QKI: variants seen among roughly 807,000 people sequenced by gnomAD.
QKI encodes KH domain-containing RNA-binding protein QKI.
A neutral mutation model predicts 39.0 loss-of-function variants in QKI; 10 were observed. The ratio of observed to expected loss-of-function variants is 0.26; its 90% confidence interval spans 0.16 to 0.43. The LOEUF (loss-of-function observed/expected upper bound fraction) is 0.43. Among genes scored for constraint, QKI ranks in the 20% least tolerant of loss-of-function variants. The pLI is 1.00. For synonymous variants in QKI, 204 were observed against 155.4 expected, an observed-to-expected ratio of 1.31 and a Z score of -2.33; for missense variants, 218 against 428.0, an observed-to-expected ratio of 0.51 and a Z score of 4.33.
In QKI at chr6:163,535,192, C is replaced by T. The variant is rs534034431; in HGVS notation, c.546+67C>T. ...TTTTTGTCAGTTTATTTTAAATTAT[C>T]GTAATGTTTATAAGGAATAGGTTAT... On this transcript the variant is annotated intron_variant, in intron 4 of 7. Transcript: ENST00000361752. The T allele has an allele frequency of 7.0e-6, 10 of 1,437,116 alleles. No homozygotes were observed. In the Admixed American group the frequency reaches 7.1e-5, roughly 10 times the overall value. The allele number at this position is 1,437,116 out of a possible 1,614,324, so 89.0% of individuals were successfully genotyped here.
At chr6:163,425,863 C>T (rs911642963) in intron 1 of QKI, among the ~76,000 whole-genome samples, 6 of 152,116 alleles carry the variant, frequency 3.9e-5, no homozygotes, top group Non-Finnish European at 8.8e-5. Flanking sequence ...CTTAGGAATT[C>T]TTGAATTAAT....
chr6:163,538,741 T>G (rs1781345184), intron 4 of QKI, among the ~76,000 whole-genome samples: 1 of 152,156 alleles, frequency 6.6e-6, no homozygotes, highest in Admixed American at 6.5e-5. Context: ...AAGTTAGAGA[T>G]TAAAGTGATT....
intron 2 of QKI, among the ~76,000 whole-genome samples, chr6:163,466,147 A>G (rs1051391603): frequency 2.0e-5 from 3 of 151,782 alleles, no homozygotes; most frequent in African/African-American, 7.3e-5. Flanking sequence ...AAAAAGGGCT[A>G]TCTCATTTAC....
At chr6:163,568,114 G>C in intron 7 of QKI, 4 of 985,344 alleles carry the variant, frequency 4.1e-6, no homozygotes, top group Non-Finnish European at 4.8e-6. Flanking sequence ...GTATGAGCAC[G>C]TCTCATAGGG....
chr6:163,415,289 C>G lies in QKI; in HGVS notation c.96C>G (p.Pro32=). The G allele has an allele frequency of 6.3e-7, 1 of 1,595,570 alleles. No individual in the cohort carries two copies. The highest frequency in any genetic ancestry group is 8.6e-7 in the Non-Finnish European group (1 of 1,168,310). ...ACAAGAAGCTCATGAGCAGCCTGCC[C>G]AACTTCTGCGGGATCTTCAACCACC... ...MNDKKLMSSL[P]NFCGIFNHLE... Residue 32 remains proline (P), a synonymous_variant, in exon 1 of 8, where the codon CCC becomes CCG. Transcript: ENST00000361752.
intron 3 of QKI, among the ~76,000 whole-genome samples, chr6:163,498,945 CCGAATACTAAACA>C (rs1778576711): frequency 6.6e-6 from 1 of 151,908 alleles, no homozygotes. Context: ...GGGGATGAGA[CCGAATACTAAACA>C]CGAAATTGAT....
chr6:163,419,483 A>C (rs540612388), intron 1 of QKI, among the ~76,000 whole-genome samples: 1 of 152,170 alleles, frequency 6.6e-6, no homozygotes, highest in Non-Finnish European at 1.5e-5. Context: ...AAGGTGAAAT[A>C]ATCTGTTCTT....
chr6:163,454,688 C>G (rs6906725), intron 1 of QKI, among the ~76,000 whole-genome samples: 1 of 152,060 alleles, frequency 6.6e-6, no homozygotes, highest in African/African-American at 2.4e-5. Flanking sequence ...TTCCGTCCTT[C>G]TTTCTCCCAT....
intron 2 of QKI, among the ~76,000 whole-genome samples, chr6:163,478,158 T>A (rs12197183): frequency 2.6e-5 from 4 of 152,284 alleles, no homozygotes; most frequent in African/African-American, 7.2e-5. Context: ...GTACAGTTTT[T>A]AATTTATACA....
intron 1 of QKI, among the ~76,000 whole-genome samples, chr6:163,446,215 G>A (rs1343282737): frequency 6.6e-6 from 1 of 151,700 alleles, no homozygotes; most frequent in African/African-American, 2.4e-5. Context: ...TTTCTTATGG[G>A]TTGTAATTCA....
chr6:163,498,605 T>C (rs964482104), intron 3 of QKI, among the ~76,000 whole-genome samples: 1 of 152,096 alleles, frequency 6.6e-6, no homozygotes, highest in Non-Finnish European at 1.5e-5. Flanking sequence ...TCTCCCTCTT[T>C]CCCTCCTCTC....
Position 163,428,503 on chromosome 6 carries a change from A to G in QKI, c.142+13168A>G, listed in dbSNP as rs1296999038. Among the ~76,000 whole-genome samples the G allele has an allele frequency of 3.3e-5, 5 of 152,338 alleles. No individual in the cohort carries two copies. In the East Asian group the frequency reaches 9.6e-4, roughly 29 times the overall value. ...TGAAGAGAAAGTTCTTTTGGGGATCATAGTTTTATCATAGTAATAAAAAAT... is the reference window on the plus strand; with the variant it reads ...TGAAGAGAAAGTTCTTTTGGGGATCGTAGTTTTATCATAGTAATAAAAAAT... On this transcript the variant is annotated intron_variant, in intron 1 of 7. Coordinates refer to ENST00000361752, the MANE Select transcript of QKI (RefSeq NM_006775.3).
At position 163,490,255 on chromosome 6, in the gene QKI, A is replaced by G. The variant is rs146374551; in HGVS notation, c.402+11359A>G. 2.0e-4 allele frequency among the ~76,000 whole-genome samples: 30 copies of G among 152,324 alleles called. No individual in the cohort carries two copies. In the East Asian group the frequency reaches 5.4e-3, roughly 27 times the overall value. ...GATATTTCAGTAAGTAGTACTATAA[A>G]TGACTGTTAGTCAGTTTTCATTACC... On this transcript the variant is annotated intron_variant, in intron 3 of 7. Transcript: ENST00000361752.
intron 1 of QKI, among the ~76,000 whole-genome samples, chr6:163,430,216 T>C (rs1463344341): frequency 6.6e-6 from 1 of 152,156 alleles, no homozygotes; most frequent in Non-Finnish European, 1.5e-5. Flanking sequence ...TATTTCTGTT[T>C]TTAGTCCAGA....
chr6:163,448,764 C>T (rs765399714), intron 1 of QKI, among the ~76,000 whole-genome samples: 13 of 151,736 alleles, frequency 8.6e-5, no homozygotes, highest in Non-Finnish European at 1.5e-4. Flanking sequence ...ATAAATAATA[C>T]TCTAGTAACT....
intron 1 of QKI, among the ~76,000 whole-genome samples, chr6:163,439,657 T>A (rs1165951948): frequency 2.7e-5 from 2 of 74,280 alleles, no homozygotes. Context: ...TCCTGAATCC[T>A]TTTTTTTTTT....
intron 1 of QKI, among the ~76,000 whole-genome samples, chr6:163,436,806 A>G (rs2128213153): frequency 6.6e-6 from 1 of 151,776 alleles, no homozygotes; most frequent in East Asian, 1.9e-4. Context: ...AAAAAAAAAA[A>G]AAAAAAAGGG....
intron 7 of QKI, chr6:163,568,058 C>T (rs1372174032): frequency 1.0e-6 from 1 of 985,264 alleles, no homozygotes; most frequent in Non-Finnish European, 1.2e-6. Flanking sequence ...AAATAGACCC[C>T]AGCTCCGTGG....
chr6:163,553,110 ATTTATTTT>A lies in QKI; in HGVS notation c.547-8869_547-8862del, dbSNP rs1260398551. 7.4e-5 allele frequency among the ~76,000 whole-genome samples: 6 copies of A among 81,134 alleles called. No individual in the cohort carries two copies. The East Asian group carries it at 1.0e-3, about 14-fold the overall frequency. 53.2% of individuals were successfully genotyped at this position (81,134 alleles called of 152,430 possible). A position where few individuals can be genotyped will look rare whatever the true frequency, so the allele number is the denominator to read the frequency against. On this transcript the variant is annotated intron_variant, in intron 4 of 7. Transcript: ENST00000361752. ...TATTTATTTATTTATTTATTTATTT[ATTTATTTT>A]TTGAGATGGAGTTTCACTCTTGTTG... is the stretch of plus-strand genomic sequence containing the variant.
Sources: allele counts gnomAD v4.1 joint callset (sites outside exome capture counted in the v4.1 genomes callset), GRCh38; gene constraint gnomAD v4.1.1; transcripts MANE v1.5; gene names NCBI Gene and HGNC (gene_info 2026-07-23, HGNC 2026-07-21).